Variants in NAA50 observed in about 807,000 individuals in gnomAD.
The protein encoded by NAA50 is N-alpha-acetyltransferase 50.
NAA50 carries 7 observed loss-of-function variants against 20.7 expected under a neutral mutation model. The ratio of observed to expected loss-of-function variants is 0.34; its 90% CI spans 0.19 to 0.63. The LOEUF (loss-of-function observed/expected upper bound fraction) is 0.63, where lower values mean the gene tolerates loss of function less well. Ranked by LOEUF, NAA50 falls within the 30% of genes least tolerant of loss-of-function variation. The pLI is 0.75. For synonymous variants in NAA50, 54 were observed against 70.6 expected (o/e 0.77, Z 1.18); for missense variants, 111 against 199.1 (o/e 0.56, Z 2.66).
At chr3:113,730,214 T>C (rs1334464902) in intron 1 of NAA50, among the ~76,000 whole-genome samples, 10 of 152,172 alleles carry the variant, frequency 6.6e-5, no homozygotes, top group South Asian at 4.1e-4. Context: ...GGCAGGAGAA[T>C]TGCTTGAACC....
At chr3:113,741,681 A>T (rs1271578494) in intron 1 of NAA50, among the ~76,000 whole-genome samples, 2 of 152,250 alleles carry the variant, frequency 1.3e-5, no homozygotes, top group East Asian at 3.8e-4. Context: ...ATCTTGATTC[A>T]ATAAGATGAG....
At chr3:113,729,817 C>CA (rs1174702645) in intron 1 of NAA50, among the ~76,000 whole-genome samples, 1 of 152,138 alleles carries the variant, frequency 6.6e-6, no homozygotes, top group Non-Finnish European at 1.5e-5. Flanking sequence ...CTCAGCCTCC[C>CA]AAAGTGCTGG....
intron 1 of NAA50, among the ~76,000 whole-genome samples, chr3:113,733,098 A>G (rs917722669): frequency 1.3e-5 from 2 of 151,336 alleles, no homozygotes; most frequent in Admixed American, 1.3e-4. Flanking sequence ...AATTTTTTAC[A>G]CTAATTTTGT....
rs3821678 is a variant in NAA50, at chr3:113,722,712, T to C, written c.332+194A>G. Reference sequence around the variant, plus strand: ...TAATATAATAAAGCAATGTGTTCTATCTCAGGTTCCTAATCTACTATTATT... The same window carrying C: ...TAATATAATAAAGCAATGTGTTCTACCTCAGGTTCCTAATCTACTATTATT... On this transcript the variant is annotated intron_variant, in intron 4 of 4. Transcript: ENST00000240922. 0.012 allele frequency among the ~76,000 whole-genome samples: 1,877 copies of C among 152,186 alleles called. 31 individuals carry two copies. Among genetic ancestry groups the C allele is most frequent in the South Asian group, 0.064 (310 of 4,816 alleles).
At chr3:113,722,845 T>G in intron 4 of NAA50, 61 bp downstream of exon 4, 1 of 1,457,554 alleles carries the variant, frequency 6.9e-7, no homozygotes, top group Non-Finnish European at 9.2e-7. Flanking sequence ...AAGTTTCTAG[T>G]AAAGATTTCT....
intron 1 of NAA50, among the ~76,000 whole-genome samples, chr3:113,728,674 ATAAT>A (rs1398003502): frequency 6.6e-6 from 1 of 152,190 alleles, no homozygotes; most frequent in Non-Finnish European, 1.5e-5. Context: ...TATCTTCTCT[ATAAT>A]TATTCTCTTG....
At chr3:113,742,259 T>C (rs1708426965) in intron 1 of NAA50, among the ~76,000 whole-genome samples, 1 of 151,874 alleles carries the variant, frequency 6.6e-6, no homozygotes, top group Non-Finnish European at 1.5e-5. Context: ...TTAAAAAAAG[T>C]TTTGTTTTGT....
At position 113,717,227 on chromosome 3, in the gene NAA50, C is replaced by CTTG. The variant is rs1559734871; in HGVS notation, c.*4530_*4532dup. On this transcript the variant is annotated 3_prime_UTR_variant, in exon 5 of 5. Coordinates refer to ENST00000240922, the MANE Select transcript of NAA50 (RefSeq NM_025146.4). ...GGCATGCGCTTTCTAGTCGCAGCTA[C>CTTG]TTGGGAGGCTCAGGCAGAATTGCTT... is the stretch of plus-strand genomic sequence containing the variant. 1 of 152,232 alleles carries CTTG rather than the reference C, an allele frequency of 6.6e-6. No individual in the cohort carries two copies. The highest frequency in any genetic ancestry group is 1.5e-5 in the Non-Finnish European group (1 of 68,114). The allele number at this position is 152,232 out of a possible 1,614,324, so 9.4% of individuals were successfully genotyped here.
At chr3:113,726,974 T>G (rs1708207425) in intron 1 of NAA50, among the ~76,000 whole-genome samples, 1 of 152,184 alleles carries the variant, frequency 6.6e-6, no homozygotes, top group Admixed American at 6.5e-5. Flanking sequence ...GAATTTTTTG[T>G]AGAGACAGGG....
chr3:113,742,229 A>T (rs1318085682), intron 1 of NAA50, among the ~76,000 whole-genome samples: 1 of 152,150 alleles, frequency 6.6e-6, no homozygotes, highest in Non-Finnish European at 1.5e-5. Context: ...TTTGCTGAAA[A>T]ACAAAACAGC....
chr3:113,727,071 C>A (rs1434239665), intron 1 of NAA50, among the ~76,000 whole-genome samples: 2 of 152,212 alleles, frequency 1.3e-5, no homozygotes, highest in African/African-American at 4.8e-5. Flanking sequence ...GGCCTACAGG[C>A]GTGAGCCACT....
chr3:113,744,199 C>A (rs538484257), intron 1 of NAA50, among the ~76,000 whole-genome samples: 203 of 152,258 alleles, frequency 1.3e-3, no homozygotes, highest in African/African-American at 4.7e-3. Context: ...CAGTGGCTCA[C>A]ACCTGTAATC....
chr3:113,730,225 C>CA (rs1708254748), intron 1 of NAA50, among the ~76,000 whole-genome samples: 1 of 151,892 alleles, frequency 6.6e-6, no homozygotes, highest in Admixed American at 6.6e-5. Context: ...TGCTTGAACC[C>CA]AAGGGCAGAG....
intron 1 of NAA50, among the ~76,000 whole-genome samples, chr3:113,732,964 G>A (rs80264177): frequency 4.0e-5 from 6 of 150,486 alleles, no homozygotes; most frequent in Non-Finnish European, 5.9e-5. Context: ...CTCATTGGAC[G>A]TATTTCTCTA....
chr3:113,724,798 T>C (rs1708180551), intron 1 of NAA50, among the ~76,000 whole-genome samples: 1 of 152,322 alleles, frequency 6.6e-6, no homozygotes, highest in Non-Finnish European at 1.5e-5. Flanking sequence ...GCCCTCATGC[T>C]GTTCTCGTGA....
At chr3:113,731,635 T>C (rs980472833) in intron 1 of NAA50, among the ~76,000 whole-genome samples, 11 of 152,190 alleles carry the variant, frequency 7.2e-5, no homozygotes, top group Admixed American at 2.0e-4. Context: ...TCCCCTTTCC[T>C]ACCCCTAGAC....
chr3:113,725,762 A>G (rs376324648), intron 1 of NAA50, among the ~76,000 whole-genome samples: 1 of 152,106 alleles, frequency 6.6e-6, no homozygotes, highest in African/African-American at 2.4e-5. Context: ...ACTGTCTCAA[A>G]AACAAAACAA....
At chr3:113,723,867 A>T in intron 2 of NAA50, 92 bp downstream of exon 2, 1 of 1,348,198 alleles carries the variant, frequency 7.4e-7, no homozygotes, top group Non-Finnish European at 9.9e-7. Context: ...AAACAAACTA[A>T]ATTAGTTAAC....
At position 113,746,139 on chromosome 3, in the gene NAA50, T is replaced by C. The variant is rs370119217; in HGVS notation, c.-190A>G. On this transcript the variant is annotated 5_prime_UTR_variant, in exon 1 of 5. Transcript: ENST00000240922. ...GGCTTGAGTCTGGTGGGGGCGGGAG[T>C]GTCTCCCGCCGCCGCGCTTGTGCCG... 3.2e-6 allele frequency: 2 copies of C among 624,070 alleles called. No homozygotes were observed. Among genetic ancestry groups the C allele is most frequent in the Non-Finnish European group, 5.2e-6 (2 of 381,748 alleles). 38.7% of individuals were successfully genotyped at this position (624,070 alleles called of 1,614,324 possible). A position where few individuals can be genotyped will look rare whatever the true frequency, so the allele number is the denominator to read the frequency against.
Sources: gnomAD v4.1 joint callset for allele counts (sites outside exome capture counted in the v4.1 genomes callset) on GRCh38, gnomAD v4.1.1 for gene constraint, MANE v1.5 for transcripts, NCBI Gene and HGNC (gene_info 2026-07-23, HGNC 2026-07-21) for gene names.